ECM2: variants seen among roughly 807,000 people sequenced by gnomAD.
The protein encoded by ECM2 is extracellular matrix protein 2, female organ and adipocyte specific.
Under a neutral mutation model 67.5 loss-of-function variants are expected in ECM2, and 57 were observed. The ratio of observed to expected loss-of-function variants is 0.84; its 90% CI spans 0.68 to 1.05. The LOEUF (loss-of-function observed/expected upper bound fraction) is 1.05, where lower values mean the gene tolerates loss of function less well. Among genes scored for constraint, ECM2 ranks in the 50% least tolerant of loss-of-function variants. The pLI is 0.00. For synonymous variants in ECM2, 258 were observed against 294.5 expected, an observed-to-expected ratio of 0.88 and a Z score of 1.27; for missense variants, 741 against 822.8, an observed-to-expected ratio of 0.90 and a Z score of 1.22.
chr9:92,518,417 G>A (rs1487556594), intron 2 of ECM2, among the ~76,000 whole-genome samples: 1 of 152,162 alleles, frequency 6.6e-6, no homozygotes, highest in Non-Finnish European at 1.5e-5. Context: ...GTTCCCTCAT[G>A]TGACCAGAGA....
At chr9:92,553,376 T>G in the ECM2 span, among the ~76,000 whole-genome samples, 1 of 152,212 alleles carries the variant, frequency 6.6e-6, no homozygotes, top group Non-Finnish European at 1.5e-5. Flanking sequence ...TTAGTCTTGC[T>G]TTGGCTATGC....
Position 92,517,819 on chromosome 9 carries a change from A to AC in ECM2, c.348dup (p.Ser117ValfsTer3). On this transcript the variant is annotated frameshift_variant, in exon 3 of 10. Coordinates refer to ENST00000344604, the MANE Select transcript of ECM2 (RefSeq NM_001393.4). LOFTEE classifies it high-confidence loss of function. ...AGGCAGGTAGTGCAGGGCTCAGGCG[A>AC]CCACACAGCTTTGTTGTACATGGTT... The AC allele has an allele frequency of 6.2e-7, 1 of 1,614,200 alleles. No homozygotes were observed. The highest frequency in any genetic ancestry group is 1.1e-5 in the South Asian group (1 of 91,074).
In ECM2 at chr9:92,500,981, C is replaced by G. The variant is rs1189016226; in HGVS notation, c.1677G>C (p.Leu559=). 1.9e-6 allele frequency: 3 copies of G among 1,614,124 alleles called. No individual in the cohort carries two copies. In the African/African-American group the frequency reaches 4.0e-5, roughly 22 times the overall value. Reference sequence around the variant, plus strand: ...TCTGGTTCCCAAGGAGTACTAGGTGCAGCAAGGACTTGGGTAGATAGGACG... The same window carrying G: ...TCTGGTTCCCAAGGAGTACTAGGTGGAGCAAGGACTTGGGTAGATAGGACG... ...HVPSYLPKSL[L]HLVLLGNQIE... Residue 559 remains leucine (L), a synonymous_variant, in exon 9 of 10, where the codon CTG becomes CTC. Coordinates refer to ENST00000344604, the MANE Select transcript of ECM2 (RefSeq NM_001393.4).
intron 1 of ECM2, among the ~76,000 whole-genome samples, chr9:92,531,965 T>G (rs899236758): frequency 6.6e-6 from 1 of 151,488 alleles, no homozygotes; most frequent in Non-Finnish European, 1.5e-5. Flanking sequence ...TTCCAGTATT[T>G]TATTGTTGCC....
At chr9:92,515,586 T>C (rs1847652646) in intron 3 of ECM2, among the ~76,000 whole-genome samples, 1 of 152,334 alleles carries the variant, frequency 6.6e-6, no homozygotes, top group South Asian at 2.1e-4. Context: ...ATAGATACTG[T>C]TCTGTTCACT....
At chr9:92,543,196 G>A in the ECM2 span, among the ~76,000 whole-genome samples, 1 of 152,312 alleles carries the variant, frequency 6.6e-6, no homozygotes, top group East Asian at 1.9e-4. Flanking sequence ...ATTGGTGCCA[G>A]CCTCGTGGCT....
Position 92,505,551 on chromosome 9 carries a change from A to G in ECM2, c.1446T>C (p.Gly482=). 6.2e-7 allele frequency: 1 copy of G among 1,601,568 alleles called. No homozygotes were observed. The highest frequency in any genetic ancestry group is 1.7e-4 in the Middle Eastern group (1 of 6,034). The change falls in exon 7 of 10, where the codon GGT becomes GGC. Residue 482 remains glycine, a synonymous_variant. Transcript: ENST00000344604. The stretch of plus-strand genomic sequence containing the variant: ...TTGTTACCTCAATAGAACCAGGAAG[A>G]CCCTGCGGTATAATTCTAAATTTAT... ...GKNKFRIIPQ[G]LPGSIEELYL...
chr9:92,506,471 C>G (rs1218519504), intron 6 of ECM2, among the ~76,000 whole-genome samples: 4 of 152,146 alleles, frequency 2.6e-5, no homozygotes, highest in Non-Finnish European at 5.9e-5. Context: ...GACAGCTCAG[C>G]AATGATAATA....
chr9:92,523,658 G>T (rs1053562094), intron 1 of ECM2, among the ~76,000 whole-genome samples: 1 of 152,182 alleles, frequency 6.6e-6, no homozygotes, highest in African/African-American at 2.4e-5. Context: ...TAGCAGTAGC[G>T]GTTTAAATGA....
the ECM2 span, among the ~76,000 whole-genome samples, chr9:92,548,502 A>G: frequency 1.3e-5 from 2 of 152,234 alleles, no homozygotes; most frequent in Non-Finnish European, 2.9e-5. Flanking sequence ...ACTTTTCTAC[A>G]ACACAAATGT....
intron 1 of ECM2, among the ~76,000 whole-genome samples, chr9:92,532,932 AG>A (rs1334630530): frequency 6.6e-6 from 1 of 152,050 alleles, no homozygotes; most frequent in African/African-American, 2.4e-5. Context: ...CGTCTGTTTC[AG>A]GCATAAGGTT....
chr9:92,542,278 A>G, the ECM2 span, among the ~76,000 whole-genome samples: 1 of 152,116 alleles, frequency 6.6e-6, no homozygotes, highest in African/African-American at 2.4e-5. Flanking sequence ...AGTTCCTTAT[A>G]TATTTTGGAT....
At chr9:92,505,475 G>A (rs1846944405) in intron 7 of ECM2, 58 bp downstream of exon 7, 1 of 1,361,684 alleles carries the variant, frequency 7.3e-7, no homozygotes, top group Non-Finnish European at 1.0e-6. Context: ...ATATTTTGTT[G>A]TAGTGTACCA....
Position 92,502,665 on chromosome 9 carries a change from G to A in ECM2, c.1465-13C>T. ...CTAGGTATAATTCCTATAATTAAGA[G>A]AGAAGACTATTATTTTTCTTTTGTG... On this transcript the variant is annotated splice_polypyrimidine_tract_variant and intron_variant, in intron 7 of 9. Coordinates refer to ENST00000344604, the MANE Select transcript of ECM2 (RefSeq NM_001393.4). 3 of 1,532,094 alleles carry A rather than the reference G, an allele frequency of 2.0e-6. No individual in the cohort carries two copies. Among genetic ancestry groups the A allele is most frequent in the Non-Finnish European group, 1.8e-6 (2 of 1,123,502 alleles). 94.9% of individuals were successfully genotyped at this position (1,532,094 alleles called of 1,614,324 possible). A position where few individuals can be genotyped will look rare whatever the true frequency, so the allele number is the denominator to read the frequency against.
At chr9:92,551,587 T>A in the ECM2 span, among the ~76,000 whole-genome samples, 4 of 152,066 alleles carry the variant, frequency 2.6e-5, no homozygotes, top group Admixed American at 2.6e-4. Flanking sequence ...GTAAGTTGTT[T>A]AGTGGTGATT....
In ECM2 at chr9:92,514,862, C is replaced by T. The variant is rs760055593; in HGVS notation, c.823G>A (p.Glu275Lys). ...QRQGREEEED[E>K]EEEGEEGEED... is the part of the protein sequence containing the mutation. ...TCACCCTCCTCACCCTCCTCCTCCT[C>T]ATCCTCCTCCTCCTCCCTTCCTTGG... Residue 275 changes from glutamate to lysine, a missense_variant, in exon 4 of 10, where the codon GAG becomes AAG. Transcript: ENST00000344604. 1.2e-6 allele frequency: 2 copies of T among 1,612,966 alleles called. No homozygotes were observed. The highest frequency in any genetic ancestry group is 1.7e-5 in the Admixed American group (1 of 59,974).
In ECM2 at chr9:92,502,504, TG is replaced by T. The variant is rs763931445; in HGVS notation, c.1604+8del. On this transcript the variant is annotated splice_region_variant and intron_variant, in intron 8 of 9. Transcript: ENST00000344604. ...GTTCAATAAAATTTAAATTGTAGCA[TG>T]TACTTACTCTTGATTTATCCAGGCT... 5.6e-6 allele frequency: 9 copies of T among 1,611,580 alleles called. No individual in the cohort carries two copies. The highest frequency in any genetic ancestry group is 4.5e-5 in the East Asian group (2 of 44,790).
Position 92,496,483 on chromosome 9 carries a change from C to T in ECM2, c.1932G>A (p.Arg644=). 6.2e-7 allele frequency: 1 copy of T among 1,606,490 alleles called. No individual in the cohort carries two copies. The highest frequency in any genetic ancestry group is 8.5e-7 in the Non-Finnish European group (1 of 1,178,268). Residue 644 remains arginine, a splice_region_variant and synonymous_variant, in exon 10 of 10, where the codon CGG becomes CGA. Transcript: ENST00000344604. The part of the protein sequence containing the change: ...HFLRLNNNKI[R]NILPEEICNA... ...TGCAAATTTCTTCTGGAAGAATGTT[C>T]CTAAGGAAAAATAGACATGCAAGTC...
intron 1 of ECM2, among the ~76,000 whole-genome samples, chr9:92,535,175 T>A (rs1236035806): frequency 6.6e-6 from 1 of 150,580 alleles, no homozygotes; most frequent in Non-Finnish European, 1.5e-5. Context: ...ACAGAGCTAT[T>A]TGAATTTTGA....
Sources: gnomAD v4.1 joint callset for allele counts (sites outside exome capture counted in the v4.1 genomes callset) on GRCh38, gnomAD v4.1.1 for gene constraint, MANE v1.5 for transcripts, NCBI Gene and HGNC (gene_info 2026-07-23, HGNC 2026-07-21) for gene names.